The following JAK1 variants were observed in gnomAD, a reference collection of about 807,000 sequenced individuals.
JAK1 encodes tyrosine-protein kinase JAK1.
JAK1 carries 16 observed loss-of-function variants against 136.6 expected under a neutral mutation model. The observed-to-expected ratio is 0.12, with a 90% CI of 0.08 to 0.18. JAK1 has a LOEUF of 0.18. Ranked by LOEUF, JAK1 falls within the 10% of genes least tolerant of loss-of-function variation. The probability of loss-of-function intolerance (pLI) is 1.00; values close to 1 mark genes in which losing one functional copy is unlikely to be tolerated. For missense variants in JAK1, 859 were observed against 1,450.1 expected (o/e 0.59, Z 6.62); for synonymous variants, 492 against 519.5 (o/e 0.95, Z 0.72).
At chr1:65,009,891 T>C (rs750652053) in intron 2 of JAK1, among the ~76,000 whole-genome samples, 4 of 152,208 alleles carry the variant, frequency 2.6e-5, no homozygotes, top group Non-Finnish European at 5.9e-5. Flanking sequence ...ATTTTTGTAT[T>C]GACTCCTGTG....
At chr1:65,063,587 C>T (rs1197328132) in intron 1 of JAK1, among the ~76,000 whole-genome samples, 3 of 151,984 alleles carry the variant, frequency 2.0e-5, no homozygotes, top group Admixed American at 1.3e-4. Flanking sequence ...ATGGATCACC[C>T]GAGCTTAGGA....
At chr1:64,864,038 A>T (rs868136056) in intron 8 of JAK1, among the ~76,000 whole-genome samples, 18 of 152,230 alleles carry the variant, frequency 1.2e-4, no homozygotes, top group African/African-American at 3.9e-4. Context: ...AATACAAGAG[A>T]GTGACTGTCT....
chr1:64,874,240 T>C lies in JAK1; in HGVS notation c.330-717A>G, dbSNP rs916212195. Among the ~76,000 whole-genome samples, 45 of 152,296 alleles carry C rather than the reference T, an allele frequency of 3.0e-4. 1 individual carries two copies. The highest frequency in any genetic ancestry group is 1.0e-3 in the African/African-American group (43 of 41,556). On this transcript the variant is annotated intron_variant, in intron 4 of 24. Transcript: ENST00000342505. ...TTCTCTTAACTACTACAGTTGACCC[T>C]TGAACAGCATGGGTTTGAACCACAG...
In JAK1 at chr1:64,861,559, C is replaced by CA. The variant is rs201369957; in HGVS notation, c.1177-1298dup. 2.0e-4 allele frequency among the ~76,000 whole-genome samples: 31 copies of CA among 151,836 alleles called. No individual in the cohort carries two copies. In the East Asian group the frequency reaches 5.2e-3, roughly 26 times the overall value. ...AGCCATGATTTGGAGCTTTGACTCA[C>CA]AAAAAAACATTAAAAAGCATCTGAG... On this transcript the variant is annotated intron_variant, in intron 8 of 24. Transcript: ENST00000342505.
Position 64,836,192 on chromosome 1 carries a change from T to C in JAK1, c.3164A>G (p.Gln1055Arg). Residue 1055 changes from glutamine (Q) to arginine (R), a missense_variant, in exon 23 of 25, where the codon CAA (glutamine) becomes CGA (arginine). Physicochemically the swap from Gln to Arg is conservative, Grantham distance 43. This residue lies in a region of JAK1 where 44 missense variants were observed against 137.6 expected (regional missense o/e 0.32). Transcript: ENST00000342505. ...GTCAGAGGCAATATAAAATTTAGAT[T>C]GCATTAAACATTCTGGAGCATACCT... ...VFWYAPECLM[Q>R]SKFYIASDVW... The C allele has an allele frequency of 6.2e-7, 1 of 1,610,152 alleles. No individual in the cohort carries two copies. The highest frequency in any genetic ancestry group is 8.5e-7 in the Non-Finnish European group (1 of 1,176,436).
intron 1 of JAK1, among the ~76,000 whole-genome samples, chr1:65,065,499 G>C (rs139220124): frequency 2.0e-5 from 3 of 151,792 alleles, no homozygotes; most frequent in African/African-American, 7.3e-5. Flanking sequence ...ACAGAACAAG[G>C]GGCAAAGAGG....
intron 12 of JAK1, 139 bp downstream of exon 12, chr1:64,850,665 T>G: frequency 1.5e-6 from 1 of 651,824 alleles, no homozygotes; most frequent in Non-Finnish European, 2.8e-6. Flanking sequence ...GTACGGCTTT[T>G]GCCATCAAAG....
intron 1 of JAK1, among the ~76,000 whole-genome samples, chr1:64,941,682 C>T (rs1645892196): frequency 6.6e-6 from 1 of 152,128 alleles, no homozygotes; most frequent in Non-Finnish European, 1.5e-5. Flanking sequence ...ATGAAGAAAC[C>T]AAAGCTCAGC....
chr1:64,902,574 G>GAT, intron 1 of JAK1, among the ~76,000 whole-genome samples: 1 of 79,780 alleles, frequency 1.3e-5, no homozygotes, highest in Non-Finnish European at 2.6e-5. Context: ...GAGAGAGAGA[G>GAT]AGAGAGAGAG....
intron 1 of JAK1, among the ~76,000 whole-genome samples, chr1:65,045,405 G>A (rs1357294169): frequency 6.6e-6 from 1 of 152,210 alleles, no homozygotes; most frequent in Non-Finnish European, 1.5e-5. Flanking sequence ...ATCACAGTGG[G>A]TAAGGGTCTA....
At chr1:64,978,558 C>A (rs1646516502) in intron 2 of JAK1, among the ~76,000 whole-genome samples, 1 of 152,100 alleles carries the variant, frequency 6.6e-6, no homozygotes, top group African/African-American at 2.4e-5. Context: ...ATAGAACACT[C>A]TTTTATGGGG....
At chr1:64,900,314 A>C (rs1225197851) in intron 1 of JAK1, among the ~76,000 whole-genome samples, 1 of 152,248 alleles carries the variant, frequency 6.6e-6, no homozygotes, top group African/African-American at 2.4e-5. Context: ...CAAAGGATTC[A>C]TAAGTCAGAG....
At chr1:64,873,339 C>T (rs1657188653) in intron 5 of JAK1, 31 bp downstream of exon 5, 11 of 1,613,560 alleles carry the variant, frequency 6.8e-6, no homozygotes, top group Middle Eastern at 1.7e-4. Context: ...ATCCCACAAA[C>T]TCCAGCTTCT....
chr1:65,015,958 C>A (rs1255040339), intron 2 of JAK1, among the ~76,000 whole-genome samples: 1 of 152,038 alleles, frequency 6.6e-6, no homozygotes, highest in Admixed American at 6.6e-5. Flanking sequence ...CATGTACCAA[C>A]CAGATGTATG....
At chr1:64,914,299 G>T (rs10889502) in intron 1 of JAK1, among the ~76,000 whole-genome samples, 1 of 152,000 alleles carries the variant, frequency 6.6e-6, no homozygotes, top group Non-Finnish European at 1.5e-5. Context: ...GAGGTTAAAT[G>T]AAGAGGGAAC....
intron 1 of JAK1, among the ~76,000 whole-genome samples, chr1:64,917,967 G>T (rs1175936537): frequency 6.6e-6 from 1 of 152,178 alleles, no homozygotes; most frequent in African/African-American, 2.4e-5. Context: ...TTCAGACACA[G>T]GGGTAATGAA....
At position 64,966,455 on chromosome 1, in the gene JAK1, G is replaced by A. The variant is rs1426617844; in HGVS notation, c.-200C>T. The A allele has an allele frequency of 6.6e-6, 1 of 151,070 alleles. No individual in the cohort carries two copies. Among genetic ancestry groups the A allele is most frequent in the Admixed American group, 6.6e-5 (1 of 15,164 alleles). The allele number at this position is 151,070 out of a possible 1,614,324, so 9.4% of individuals were successfully genotyped here. A position where few individuals can be genotyped will look rare whatever the true frequency, so the allele number is the denominator to read the frequency against. ...CGTGCGCGCGCCCAGGGCTGAGGAG[G>A]GGTCGCGGCGAGGACAGCCGGGACT... On this transcript the variant is annotated 5_prime_UTR_variant, in exon 1 of 25. Coordinates refer to ENST00000342505, the MANE Select transcript of JAK1 (RefSeq NM_002227.4).
At chr1:64,842,437 T>C (rs2100981076) in intron 17 of JAK1, among the ~76,000 whole-genome samples, 1 of 143,578 alleles carries the variant, frequency 7.0e-6, no homozygotes, top group African/African-American at 2.5e-5. Flanking sequence ...TAAGTTCCTC[T>C]CTGGTCCCCG....
intron 2 of JAK1, chr1:64,985,600 T>C: frequency 2.1e-6 from 2 of 935,450 alleles, no homozygotes; most frequent in Non-Finnish European, 3.4e-6. Context: ...GCCACCAGAA[T>C]TCCAACAACA....
Sources: gnomAD v4.1 joint callset for allele counts (sites outside exome capture counted in the v4.1 genomes callset) on GRCh38, gnomAD v4.1.1 for gene constraint, gnomAD v4.1.1 regional missense constraint, MANE v1.5 for transcripts, NCBI Gene and HGNC (gene_info 2026-07-23, HGNC 2026-07-21) for gene names.